Variants in DNAH9 observed in about 807,000 individuals in gnomAD.
DNAH9 encodes the protein DNAH9 variant protein.
Under a neutral mutation model 471.6 loss-of-function variants are expected in DNAH9, and 345 were observed. That is an observed-to-expected ratio of 0.73 (90% CI 0.67 to 0.80). DNAH9 has a LOEUF of 0.80. Ranked by LOEUF, DNAH9 falls within the 30% of genes least tolerant of loss-of-function variation. The pLI, the probability that DNAH9 is intolerant of heterozygous loss-of-function variation, is 0.00. For synonymous variants in DNAH9, 2,093 were observed against 2,123.6 expected (o/e 0.99, Z 0.40); for missense variants, 5,407 against 5,609.2 (o/e 0.96, Z 1.15).
intron 26 of DNAH9, among the ~76,000 whole-genome samples, chr17:11,715,452 TA>T (rs1426875620): frequency 6.6e-6 from 1 of 152,170 alleles, no homozygotes; most frequent in Non-Finnish European, 1.5e-5. Flanking sequence ...CCTAGAATAG[TA>T]AACTGTGCCT....
chr17:11,757,537 G>A lies in DNAH9; in HGVS notation c.6848-8G>A. On this transcript the variant is annotated splice_polypyrimidine_tract_variant and splice_region_variant and intron_variant, in intron 34 of 68. Coordinates refer to ENST00000262442, the MANE Select transcript of DNAH9 (RefSeq NM_001372.4). The stretch of plus-strand genomic sequence containing the variant: ...ATATTCACTAAACTGTATTCTCTGT[G>A]CTCACAGGGATCTTGTACATCAACC... 1 of 1,610,294 alleles carries A rather than the reference G, an allele frequency of 6.2e-7. No individual in the cohort carries two copies.
intron 58 of DNAH9, among the ~76,000 whole-genome samples, chr17:11,893,223 A>G (rs1332892237): frequency 1.4e-5 from 2 of 148,142 alleles, no homozygotes; most frequent in Admixed American, 6.8e-5. Context: ...AGTGTGAATC[A>G]TGAGCTCAAA....
intron 38 of DNAH9, among the ~76,000 whole-genome samples, chr17:11,774,850 A>G (rs1006136279): frequency 6.6e-6 from 1 of 151,360 alleles, no homozygotes; most frequent in Non-Finnish European, 1.5e-5. Flanking sequence ...TTTCTTTTCT[A>G]AAAAAAACTA....
chr17:11,798,255 A>AC lies in DNAH9; in HGVS notation c.8420+466dup, dbSNP rs573398056. Among the ~76,000 whole-genome samples, 96 of 151,820 alleles carry AC rather than the reference A, an allele frequency of 6.3e-4. 1 individual carries two copies. In the South Asian group the frequency reaches 0.012, roughly 18 times the overall value. On this transcript the variant is annotated intron_variant, in intron 43 of 68. Coordinates refer to ENST00000262442, the MANE Select transcript of DNAH9 (RefSeq NM_001372.4). ...AGACCATCCTGGCTAACACGGTGAA[A>AC]CCCCATCTCTACTAAAAATATAAAA... is the stretch of plus-strand genomic sequence containing the variant.
chr17:11,705,134 A>G lies in DNAH9; in HGVS notation c.5501A>G (p.Tyr1834Cys), dbSNP rs761462101. 63 of 1,614,010 alleles carry G rather than the reference A, an allele frequency of 3.9e-5. No individual in the cohort carries two copies. The highest frequency in any genetic ancestry group is 5.2e-5 in the Non-Finnish European group (61 of 1,180,000). Residue 1834 changes from tyrosine (Y) to cysteine (C), a missense_variant, in exon 26 of 69, where the codon TAT (tyrosine) becomes TGT (cysteine). This residue lies in a region of DNAH9 where 4,636 missense variants were observed against 4,900.3 expected (regional missense o/e 0.95). Transcript: ENST00000262442. ...NICDAQFLYS[Y>C]EYLGNTPRLV... Reference sequence around the variant, plus strand: ...TGTGATGCCCAGTTTTTGTATTCCTATGAGTACCTGGGAAACACACCTCGC... The same window carrying G: ...TGTGATGCCCAGTTTTTGTATTCCTGTGAGTACCTGGGAAACACACCTCGC...
chr17:11,692,449 G>C (rs906501538), intron 20 of DNAH9, among the ~76,000 whole-genome samples: 6 of 152,136 alleles, frequency 3.9e-5, no homozygotes, highest in Non-Finnish European at 8.8e-5. Context: ...GTGTATGTCT[G>C]GGAAAAATGT....
At chr17:11,832,332 C>T (rs1291959913) in intron 48 of DNAH9, among the ~76,000 whole-genome samples, 1 of 151,912 alleles carries the variant, frequency 6.6e-6, no homozygotes, top group Admixed American at 6.6e-5. Context: ...CAAAACAAAA[C>T]AACAACCAAA....
At chr17:11,936,282 C>T (rs1974710332) in intron 65 of DNAH9, among the ~76,000 whole-genome samples, 2 of 152,034 alleles carry the variant, frequency 1.3e-5, no homozygotes, top group South Asian at 2.1e-4. Context: ...ATATCAGGAA[C>T]GGAACTTGAG....
intron 48 of DNAH9, among the ~76,000 whole-genome samples, chr17:11,826,495 C>G (rs868087359): frequency 9.1e-6 from 1 of 109,766 alleles, no homozygotes; most frequent in Non-Finnish European, 1.7e-5. Flanking sequence ...GAGTCTTGCT[C>G]TGTCGCACAG....
chr17:11,603,159 A>G (rs1373093238), intron 1 of DNAH9, among the ~76,000 whole-genome samples: 2 of 152,192 alleles, frequency 1.3e-5, no homozygotes, highest in African/African-American at 4.8e-5. Context: ...GGGAAAAACC[A>G]ATGGGCTCCT....
chr17:11,958,089 A>G (rs1248061594), intron 67 of DNAH9, among the ~76,000 whole-genome samples: 1 of 152,204 alleles, frequency 6.6e-6, no homozygotes, highest in African/African-American at 2.4e-5. Flanking sequence ...GCTTTTTAAA[A>G]AATCAGCTAT....
At chr17:11,817,708 C>G (rs9899454) in intron 45 of DNAH9, among the ~76,000 whole-genome samples, 7,301 of 152,152 alleles carry the variant, frequency 0.048, 610 homozygotes, top group African/African-American at 0.17. Context: ...TTTTCCTTCA[C>G]TCCTATTTTT....
chr17:11,886,506 C>CTTTTTT (rs55645155), intron 56 of DNAH9, among the ~76,000 whole-genome samples: 2 of 127,298 alleles, frequency 1.6e-5, no homozygotes, highest in African/African-American at 5.9e-5. Flanking sequence ...TTGAGTCATA[C>CTTTTTT]TTTTTTTTTT....
At chr17:11,604,108 C>T (rs113216421) in intron 1 of DNAH9, among the ~76,000 whole-genome samples, 18 of 151,984 alleles carry the variant, frequency 1.2e-4, no homozygotes, top group Admixed American at 2.6e-4. Flanking sequence ...CTGCAACCTC[C>T]GCCTCCTGGG....
chr17:11,693,804 A>AT (rs1437466254), intron 20 of DNAH9, 64 bp from the exon 21 acceptor site: 33 of 1,575,052 alleles, frequency 2.1e-5, no homozygotes, highest in African/African-American at 2.7e-5. Flanking sequence ...AACTGGCTCC[A>AT]TGGAGGGAGC....
At chr17:11,769,359 G>A (rs566666354) in intron 38 of DNAH9, 30 bp downstream of exon 38, 2 of 1,577,574 alleles carry the variant, frequency 1.3e-6, no homozygotes, top group East Asian at 4.6e-5. Flanking sequence ...TGGGGTGGGG[G>A]GCATCTGGGT....
intron 49 of DNAH9, among the ~76,000 whole-genome samples, chr17:11,847,648 ATCT>A (rs1307847259): frequency 6.6e-6 from 1 of 152,194 alleles, no homozygotes; most frequent in Non-Finnish European, 1.5e-5. Context: ...AAAAGAATAA[ATCT>A]TCTCTATATA....
intron 26 of DNAH9, among the ~76,000 whole-genome samples, chr17:11,710,686 T>A (rs1215735307): frequency 6.6e-6 from 1 of 152,244 alleles, no homozygotes; most frequent in Non-Finnish European, 1.5e-5. Flanking sequence ...TTTTATCACT[T>A]CTGTGGTTAG....
At chr17:11,693,836 G>T (rs748030115) in intron 20 of DNAH9, 32 bp from the exon 21 acceptor site, 2 of 1,613,714 alleles carry the variant, frequency 1.2e-6, no homozygotes. Context: ...GAGTGGAGTG[G>T]TGGTTAATTG....
Sources: allele counts gnomAD v4.1 joint callset (sites outside exome capture counted in the v4.1 genomes callset), GRCh38; gene constraint gnomAD v4.1.1; regional missense constraint gnomAD v4.1.1; transcripts MANE v1.5; gene names NCBI Gene and HGNC (gene_info 2026-07-23, HGNC 2026-07-21).